Variants in EMILIN2 observed in about 807,000 individuals in gnomAD.
EMILIN2 encodes elastin microfibril interfacer 2.
Under a neutral mutation model 87.1 loss-of-function variants are expected in EMILIN2, and 71 were observed. The ratio of observed to expected loss-of-function variants is 0.82; its 90% CI spans 0.67 to 0.99. The LOEUF is 0.99. Ranked by LOEUF, EMILIN2 falls within the 50% of genes least tolerant of loss-of-function variation. The pLI is 0.00. For missense variants in EMILIN2, 1,407 were observed against 1,371.8 expected, an observed-to-expected ratio of 1.03 and a Z score of -0.40; for synonymous variants, 581 against 563.4, an observed-to-expected ratio of 1.03 and a Z score of -0.44.
chr18:2,907,186 T>C lies in EMILIN2; in HGVS notation c.2662+101T>C, dbSNP rs1334317805. ...GGGCGTGGCGGTTCGGGGTCCAGCC[T>C]TCGGGGGGGCAAGTTCCGAAATGCA... On this transcript the variant is annotated intron_variant, in intron 5 of 7. Transcript: ENST00000254528. 2.6e-6 allele frequency: 3 copies of C among 1,165,792 alleles called. No individual in the cohort carries two copies. The Admixed American group carries it at 1.3e-4, about 50-fold the overall frequency. The allele number at this position is 1,165,792 out of a possible 1,614,324, so 72.2% of individuals were successfully genotyped here.
intron 4 of EMILIN2, among the ~76,000 whole-genome samples, chr18:2,901,386 C>G (rs1415129838): frequency 6.6e-6 from 1 of 152,212 alleles, no homozygotes; most frequent in Non-Finnish European, 1.5e-5. Context: ...GGAAGACACT[C>G]GTTTTTAGCA....
intron 6 of EMILIN2, among the ~76,000 whole-genome samples, chr18:2,909,342 A>G (rs1305107755): frequency 6.6e-6 from 1 of 152,228 alleles, no homozygotes; most frequent in Non-Finnish European, 1.5e-5. Context: ...TCCCTAGATG[A>G]TGATGCACCC....
At position 2,891,627 on chromosome 18, in the gene EMILIN2, T is replaced by C. The variant is rs964178332; in HGVS notation, c.1500T>C (p.Arg500=). ...VDQKIQSLED[R]LGSVLLQMTN... ...AGAAAATACAGTCTCTGGAAGACCG[T>C]CTGGGGAGCGTTCTCCTACAGATGA... Residue 500 remains arginine (R), a synonymous_variant, in exon 4 of 8, where the codon CGT becomes CGC. Coordinates refer to ENST00000254528, the MANE Select transcript of EMILIN2 (RefSeq NM_032048.3). This position sits in a 1 kb window ranked among gnomAD's most constrained non-coding sequence, Gnocchi z 4.6. 17 of 1,613,834 alleles carry C rather than the reference T, an allele frequency of 1.1e-5. No homozygotes were observed. The highest frequency in any genetic ancestry group is 1.3e-5 in the African/African-American group (1 of 74,880).
intron 2 of EMILIN2, among the ~76,000 whole-genome samples, chr18:2,852,444 C>T (rs2076606254): frequency 6.6e-6 from 1 of 152,218 alleles, no homozygotes; most frequent in African/African-American, 2.4e-5. Context: ...TAAAAGCAGG[C>T]TTCCAGAAAA....
At position 2,913,421 on chromosome 18, in the gene EMILIN2, T is replaced by A. The variant is rs748785731; in HGVS notation, c.*17T>A. 1.3e-6 allele frequency: 2 copies of A among 1,546,206 alleles called. No individual in the cohort carries two copies. The highest frequency in any genetic ancestry group is 1.7e-6 in the Non-Finnish European group (2 of 1,144,382). ...CACCTCTAAGGTGGCTGGGGAGATG[T>A]CAGGGGAAAGATAGATAGTTGTAAA... On this transcript the variant is annotated 3_prime_UTR_variant, in exon 8 of 8. Coordinates refer to ENST00000254528, the MANE Select transcript of EMILIN2 (RefSeq NM_032048.3).
chr18:2,855,622 G>A (rs2076623168), intron 2 of EMILIN2, among the ~76,000 whole-genome samples: 1 of 152,196 alleles, frequency 6.6e-6, no homozygotes, highest in Admixed American at 6.5e-5. Flanking sequence ...GCAGAGAACG[G>A]CAAGTGGGTG....
intron 2 of EMILIN2, 87 bp from the exon 3 acceptor site, chr18:2,884,877 C>T: frequency 1.4e-6 from 2 of 1,429,988 alleles, no homozygotes; most frequent in Non-Finnish European, 1.9e-6. Context: ...GTCCTGCATG[C>T]CCTGAGTCCT....
chr18:2,908,981 T>G lies in EMILIN2; in HGVS notation c.2695+6T>G. 1 of 1,613,316 alleles carries G rather than the reference T, an allele frequency of 6.2e-7. No individual in the cohort carries two copies. Among genetic ancestry groups the G allele is most frequent in the Non-Finnish European group, 8.5e-7 (1 of 1,180,020 alleles). On this transcript the variant is annotated splice_donor_region_variant and intron_variant, in intron 6 of 7. Coordinates refer to ENST00000254528, the MANE Select transcript of EMILIN2 (RefSeq NM_032048.3). ...ACCTCCTGTAGCTTCCCCAGGTATG[T>G]CTGCTGAGAGACCAGGAGCAGGAGG...
chr18:2,885,051 G>A lies in EMILIN2; in HGVS notation c.345G>A (p.Gly115=). The A allele has an allele frequency of 6.2e-7, 1 of 1,613,774 alleles. No individual in the cohort carries two copies. The highest frequency in any genetic ancestry group is 8.5e-7 in the Non-Finnish European group (1 of 1,179,874). ...GGAGGTGCTGTCCTGGCTTTAGAGG[G>A]GGAGATTGCCAAGAAGGTCCCAAAG... ...LEWRCCPGFR[G]GDCQEGPKDP... Residue 115 remains glycine (G), a synonymous_variant, in exon 3 of 8, where the codon GGG becomes GGA. Coordinates refer to ENST00000254528, the MANE Select transcript of EMILIN2 (RefSeq NM_032048.3).
chr18:2,906,519 T>G, intron 4 of EMILIN2: 2 of 334,422 alleles, frequency 6.0e-6, no homozygotes, highest in Admixed American at 4.8e-5. Flanking sequence ...TGAGGCCGGT[T>G]TGGAAAGTGC....
At chr18:2,902,315 C>G (rs1001304206) in intron 4 of EMILIN2, among the ~76,000 whole-genome samples, 28 of 152,202 alleles carry the variant, frequency 1.8e-4, no homozygotes, top group African/African-American at 6.5e-4. Flanking sequence ...TGTGCTAGGC[C>G]CTGGGGATGG....
rs766098111 is a variant in EMILIN2 at position 2,892,301 on chromosome 18, G to T, written c.2174G>T (p.Arg725Met). The change falls in exon 4 of 8, where the codon AGG becomes ATG. Residue 725 changes from arginine to methionine, a missense_variant. Transcript: ENST00000254528. ...GACTCTATCTCAGGAAATCTTCAGA[G>T]GATCAAGGAGGGGCTCAACAAGCAT... ...KLDSISGNLQ[R>M]IKEGLNKHVS... 1.6e-5 allele frequency: 26 copies of T among 1,614,072 alleles called. No homozygotes were observed. The South Asian group carries it at 2.9e-4, about 18-fold the overall frequency.
chr18:2,879,615 C>T (rs890849450), intron 2 of EMILIN2, among the ~76,000 whole-genome samples: 7 of 151,910 alleles, frequency 4.6e-5, no homozygotes, highest in African/African-American at 7.2e-5. Context: ...GAGCCAAGAT[C>T]GCACCACTGC....
intron 4 of EMILIN2, among the ~76,000 whole-genome samples, chr18:2,898,901 G>T (rs574401064): frequency 5.3e-5 from 8 of 152,264 alleles, no homozygotes; most frequent in Non-Finnish European, 1.0e-4. Context: ...CTTATATTCA[G>T]GCCATAGGGA....
Position 2,906,915 on chromosome 18 carries a change from C to T in EMILIN2, c.2492C>T (p.Pro831Leu). The T allele has an allele frequency of 7.2e-7, 1 of 1,396,156 alleles. No individual in the cohort carries two copies. Among genetic ancestry groups the T allele is most frequent in the South Asian group, 1.5e-5 (1 of 65,350 alleles). The allele number at this position is 1,396,156 out of a possible 1,614,324, so 86.5% of individuals were successfully genotyped here. ...CGGCCCGTCCTGCCCCAGCGGCCCCCCGAGGAGAGGCCGCCCCAGCCGCCA... is the reference window on the plus strand; with the variant it reads ...CGGCCCGTCCTGCCCCAGCGGCCCCTCGAGGAGAGGCCGCCCCAGCCGCCA... ...GRRPVLPQRP[P>L]EERPPQPPGS... Residue 831 changes from proline (P) to leucine (L), a missense_variant, in exon 5 of 8, where the codon CCC (proline) becomes CTC (leucine). Physicochemically the swap from Pro to Leu is moderately conservative, Grantham distance 98. Coordinates refer to ENST00000254528, the MANE Select transcript of EMILIN2 (RefSeq NM_032048.3).
intron 4 of EMILIN2, among the ~76,000 whole-genome samples, chr18:2,893,077 G>A (rs1224764393): frequency 1.3e-5 from 2 of 151,970 alleles, no homozygotes; most frequent in Non-Finnish European, 2.9e-5. Flanking sequence ...CAACATTGCA[G>A]TATTTAAGCA....
intron 2 of EMILIN2, among the ~76,000 whole-genome samples, chr18:2,869,461 T>C (rs1168774169): frequency 6.6e-6 from 1 of 152,238 alleles, no homozygotes; most frequent in East Asian, 1.9e-4. Context: ...GCTGATCCAC[T>C]TTCCCTCACT....
chr18:2,878,716 G>A (rs1002795147), intron 2 of EMILIN2, among the ~76,000 whole-genome samples: 2 of 152,002 alleles, frequency 1.3e-5, no homozygotes, highest in Non-Finnish European at 2.9e-5. Context: ...GCCTGGCTAG[G>A]GTACTTCCTA....
Position 2,909,755 on chromosome 18 carries a change from TG to T in EMILIN2, c.2765del (p.Gly922AlafsTer10). 1 of 1,613,414 alleles carries T rather than the reference TG, an allele frequency of 6.2e-7. No individual in the cohort carries two copies. The highest frequency in any genetic ancestry group is 1.7e-5 in the Admixed American group (1 of 59,762). ...GLTQKPFPSD[G>X]GVVLFNKVLV... is the part of the protein sequence containing the mutation. ...TCACCCAGAAGCCTTTCCCCAGTGA[TG>T]GGGGCGTTGTCCTCTTTAACAAAGT... On this transcript the variant is annotated frameshift_variant, in exon 7 of 8. Transcript: ENST00000254528. LOFTEE classifies it high-confidence loss of function.
Sources: allele counts gnomAD v4.1 joint callset (sites outside exome capture counted in the v4.1 genomes callset), GRCh38; gene constraint gnomAD v4.1.1; non-coding constraint Gnocchi (gnomAD v3.1); transcripts MANE v1.5; gene names NCBI Gene and HGNC (gene_info 2026-07-23, HGNC 2026-07-21).